The following YME1L1 variants were observed in gnomAD, a reference collection of about 807,000 sequenced individuals.
YME1L1 encodes the protein ATP-dependent zinc metalloprotease YME1L1.
YME1L1 carries 39 observed loss-of-function variants against 90.4 expected under a neutral mutation model. That is an observed-to-expected ratio of 0.43 (90% CI 0.33 to 0.56). YME1L1 has a LOEUF of 0.56. YME1L1 is among the 20% of genes least tolerant of loss of function. The pLI is 0.03. For missense variants in YME1L1, 617 were observed against 868.4 expected (o/e 0.71, Z 3.64); for synonymous variants, 284 against 287.3 (o/e 0.99, Z 0.12).
In YME1L1 at chr10:27,135,519, TTACA is replaced by T. The variant is rs1250052351; in HGVS notation, c.541-542_541-539del. On this transcript the variant is annotated intron_variant, in intron 5 of 18. Coordinates refer to ENST00000376016, the MANE Select transcript of YME1L1 (RefSeq NM_014263.4). ...CTACCTCAGGAATATGGAAAAGGCC[TTACA>T]GAGAATAGGACATCTAAAACACAGG... 2.0e-5 allele frequency among the ~76,000 whole-genome samples: 3 copies of T among 152,322 alleles called. No individual in the cohort carries two copies. The East Asian group carries it at 5.8e-4, about 29-fold the overall frequency.
intron 17 of YME1L1, among the ~76,000 whole-genome samples, chr10:27,115,238 G>T (rs530324103): frequency 6.6e-6 from 1 of 152,072 alleles, no homozygotes; most frequent in East Asian, 1.9e-4. Flanking sequence ...GGGCAACAGA[G>T]CAAGACTCCG....
Position 27,126,914 on chromosome 10 carries a change from T to TA in YME1L1, c.859-129dup, listed in dbSNP as rs567504456. On this transcript the variant is annotated intron_variant, in intron 8 of 18. Coordinates refer to ENST00000376016, the MANE Select transcript of YME1L1 (RefSeq NM_014263.4). ...ATTAACCTGACCTTCTCTGTTTCAGTAAAAAAAGCATACAAAAATGGCCCC... is the reference window on the plus strand; with the variant it reads ...ATTAACCTGACCTTCTCTGTTTCAGTAAAAAAAAGCATACAAAAATGGCCCC... 5.8e-4 allele frequency: 340 copies of TA among 587,450 alleles called. 1 individual carries two copies. In the African/African-American group the frequency reaches 5.9e-3, roughly 10 times the overall value. 36.4% of individuals were successfully genotyped at this position (587,450 alleles called of 1,614,324 possible). A position where few individuals can be genotyped will look rare whatever the true frequency, so the allele number is the denominator to read the frequency against.
chr10:27,111,895 G>A lies in YME1L1; in HGVS notation c.*82C>T, dbSNP rs2056762417. 2.0e-6 allele frequency: 3 copies of A among 1,512,156 alleles called. No homozygotes were observed. Among genetic ancestry groups the A allele is most frequent in the Non-Finnish European group, 9.2e-7 (1 of 1,091,568 alleles). 93.7% of individuals were successfully genotyped at this position (1,512,156 alleles called of 1,614,324 possible). A position where few individuals can be genotyped will look rare whatever the true frequency, so the allele number is the denominator to read the frequency against. On this transcript the variant is annotated 3_prime_UTR_variant, in exon 19 of 19. Coordinates refer to ENST00000376016, the MANE Select transcript of YME1L1 (RefSeq NM_014263.4). ...AATTACACCACATCAAGAATGAGGG[G>A]AAAGCGTTGTAAAAGTAGACTACTG...
intron 4 of YME1L1, among the ~76,000 whole-genome samples, chr10:27,139,172 C>G (rs185244459): frequency 3.4e-4 from 52 of 152,160 alleles, no homozygotes; most frequent in Admixed American, 6.6e-4. Context: ...TGTGTATATA[C>G]ATTCAGACAC....
chr10:27,134,808 C>T (rs1554805849), intron 6 of YME1L1, 23 bp downstream of exon 6: 3 of 1,610,668 alleles, frequency 1.9e-6, no homozygotes, highest in East Asian at 2.2e-5. Context: ...TTCTCAAACA[C>T]GGATGGTGTC....
chr10:27,124,968 C>G (rs2056902371), intron 9 of YME1L1, among the ~76,000 whole-genome samples: 1 of 152,100 alleles, frequency 6.6e-6, no homozygotes, highest in African/African-American at 2.4e-5. Context: ...GTGATATTAG[C>G]TAAAGTTATC....
chr10:27,147,906 G>A (rs920163472), intron 2 of YME1L1, among the ~76,000 whole-genome samples: 1 of 152,054 alleles, frequency 6.6e-6, no homozygotes, highest in Non-Finnish European at 1.5e-5. Context: ...TATCCTAGAG[G>A]GCAGACTTCC....
At position 27,111,883 on chromosome 10, in the gene YME1L1, C is replaced by A. The variant is rs779938525; in HGVS notation, c.*94G>T. 1.4e-6 allele frequency: 2 copies of A among 1,478,294 alleles called. No individual in the cohort carries two copies. The highest frequency in any genetic ancestry group is 2.3e-5 in the East Asian group (1 of 44,160). 91.6% of individuals were successfully genotyped at this position (1,478,294 alleles called of 1,614,324 possible). Reference sequence around the variant, plus strand: ...TTCACACCCTTCAATTACACCACATCAAGAATGAGGGGAAAGCGTTGTAAA... The same window carrying A: ...TTCACACCCTTCAATTACACCACATAAAGAATGAGGGGAAAGCGTTGTAAA... On this transcript the variant is annotated 3_prime_UTR_variant, in exon 19 of 19. Coordinates refer to ENST00000376016, the MANE Select transcript of YME1L1 (RefSeq NM_014263.4).
At position 27,111,750 on chromosome 10, in the gene YME1L1, GTTCT is replaced by G; in HGVS notation, c.*223_*226del. On this transcript the variant is annotated 3_prime_UTR_variant, in exon 19 of 19. Coordinates refer to ENST00000376016, the MANE Select transcript of YME1L1 (RefSeq NM_014263.4). ...AAAAGAGCTGTTTTCAATCCTGATA[GTTCT>G]TTATTTTTTCAAAATATATTTGCCA... The G allele has an allele frequency of 3.2e-6, 2 of 627,930 alleles. No homozygotes were observed. Among genetic ancestry groups the G allele is most frequent in the Admixed American group, 2.4e-5 (1 of 42,214 alleles). The allele number at this position is 627,930 out of a possible 1,614,324, so 38.9% of individuals were successfully genotyped here.
intron 1 of YME1L1, among the ~76,000 whole-genome samples, chr10:27,149,782 A>AT (rs1354295214): frequency 6.6e-6 from 1 of 150,520 alleles, no homozygotes; most frequent in African/African-American, 2.4e-5. Context: ...AAAAAAAAAA[A>AT]ATAGTAAGTA....
chr10:27,151,453 A>T (rs886360405), intron 1 of YME1L1, among the ~76,000 whole-genome samples: 1 of 152,246 alleles, frequency 6.6e-6, no homozygotes, highest in African/African-American at 2.4e-5. Context: ...TTGTGGGTAC[A>T]GACCATTTAA....
At position 27,140,838 on chromosome 10, in the gene YME1L1, C is replaced by T. The variant is rs73598029; in HGVS notation, c.430+1549G>A. Reference sequence around the variant, plus strand: ...CTGGATTTTTATCTTTATTTTCTGACATTGAGAGAATCTAACCTCAGAGTT... The same window carrying T: ...CTGGATTTTTATCTTTATTTTCTGATATTGAGAGAATCTAACCTCAGAGTT... On this transcript the variant is annotated intron_variant, in intron 4 of 18. Coordinates refer to ENST00000376016, the MANE Select transcript of YME1L1 (RefSeq NM_014263.4). Among the ~76,000 whole-genome samples, 822 of 152,148 alleles carry T rather than the reference C, an allele frequency of 5.4e-3. 10 individuals are homozygous for T. Among genetic ancestry groups the T allele is most frequent in the African/African-American group, 0.019 (777 of 41,514 alleles).
intron 4 of YME1L1, among the ~76,000 whole-genome samples, chr10:27,138,607 G>A (rs570328398): frequency 3.5e-4 from 53 of 152,094 alleles, no homozygotes; most frequent in African/African-American, 1.2e-3. Flanking sequence ...AAAACCTGCC[G>A]CTAGAATATA....
At chr10:27,129,537 A>G (rs1043664781) in intron 8 of YME1L1, among the ~76,000 whole-genome samples, 1 of 152,224 alleles carries the variant, frequency 6.6e-6, no homozygotes, top group Non-Finnish European at 1.5e-5. Flanking sequence ...AAGAGTCCTC[A>G]GATCACGTAC....
intron 1 of YME1L1, among the ~76,000 whole-genome samples, chr10:27,151,763 C>T (rs577755149): frequency 1.3e-5 from 2 of 152,136 alleles, no homozygotes; most frequent in African/African-American, 2.4e-5. Flanking sequence ...CGCCTGTGGT[C>T]CCAGCTACTT....
intron 4 of YME1L1, among the ~76,000 whole-genome samples, chr10:27,137,341 A>G (rs992885998): frequency 6.6e-6 from 1 of 152,180 alleles, no homozygotes; most frequent in East Asian, 1.9e-4. Flanking sequence ...GGCTGTTTAC[A>G]CTTTTCCAAT....
chr10:27,116,622 T>A (rs1238934287), intron 15 of YME1L1, among the ~76,000 whole-genome samples: 2 of 152,112 alleles, frequency 1.3e-5, no homozygotes, highest in African/African-American at 4.8e-5. Context: ...GCTGAGATCA[T>A]GCCATTGCAC....
chr10:27,147,634 A>G (rs2057159663), intron 2 of YME1L1: 1 of 1,553,274 alleles, frequency 6.4e-7, no homozygotes, highest in East Asian at 2.4e-5. Flanking sequence ...AATTGAAACA[A>G]TGTTAAGCTT....
At chr10:27,119,256 G>A (rs936840885) in intron 14 of YME1L1, 38 bp downstream of exon 14, 1 of 1,556,658 alleles carries the variant, frequency 6.4e-7, no homozygotes, top group Non-Finnish European at 8.6e-7. Flanking sequence ...CTAACACAAT[G>A]AAAAGTAAAA....
Sources: allele counts gnomAD v4.1 joint callset (sites outside exome capture counted in the v4.1 genomes callset), GRCh38; gene constraint gnomAD v4.1.1; transcripts MANE v1.5; gene names NCBI Gene and HGNC (gene_info 2026-07-23, HGNC 2026-07-21).